The following ADCY1 variants were observed in gnomAD, a reference collection of about 807,000 sequenced individuals.
ADCY1 encodes the protein adenylate cyclase type 1.
In ADCY1, 28 loss-of-function variants were observed where a neutral mutation model predicts 105.4. The ratio of observed to expected loss-of-function variants is 0.27; its 90% confidence interval spans 0.20 to 0.36. The LOEUF is 0.36. Ranked by LOEUF, ADCY1 falls within the 10% of genes least tolerant of loss-of-function variation. The probability of loss-of-function intolerance (pLI) is 1.00; values close to 1 mark genes in which losing one functional copy is unlikely to be tolerated. For missense variants in ADCY1, 977 were observed against 1,434.2 expected (o/e 0.68, Z 5.15); for synonymous variants, 655 against 623.8 (o/e 1.05, Z -0.75).
At chr7:45,707,910 CA>C (rs1785151422) in intron 17 of ADCY1, among the ~76,000 whole-genome samples, 1 of 152,198 alleles carries the variant, frequency 6.6e-6, no homozygotes, top group South Asian at 2.1e-4. Flanking sequence ...AGAGACTTTA[CA>C]ACTGTTACTG....
chr7:45,658,250 A>G (rs1794991967), intron 6 of ADCY1, among the ~76,000 whole-genome samples: 1 of 152,138 alleles, frequency 6.6e-6, no homozygotes, highest in Non-Finnish European at 1.5e-5. Flanking sequence ...CATTTTCTCA[A>G]TGTGCAAATG....
intron 14 of ADCY1, among the ~76,000 whole-genome samples, chr7:45,690,606 C>T (rs371852186): frequency 3.3e-5 from 5 of 152,318 alleles, no homozygotes; most frequent in South Asian, 2.1e-4. Context: ...GGTACAGAAC[C>T]GGTGGGGAAT....
chr7:45,609,891 G>A (rs901807209), intron 2 of ADCY1, among the ~76,000 whole-genome samples: 4 of 152,186 alleles, frequency 2.6e-5, no homozygotes, highest in Non-Finnish European at 5.9e-5. Context: ...ACAGCTAAGG[G>A]AGAAGTAAGA....
intron 3 of ADCY1, among the ~76,000 whole-genome samples, chr7:45,620,649 A>G (rs1793866203): frequency 6.6e-6 from 1 of 152,246 alleles, no homozygotes; most frequent in African/African-American, 2.4e-5. Flanking sequence ...TCAAACTGTC[A>G]AAAACTAAAG....
chr7:45,664,826 A>C (rs1048182033), intron 8 of ADCY1, among the ~76,000 whole-genome samples: 1 of 152,116 alleles, frequency 6.6e-6, no homozygotes, highest in African/African-American at 2.4e-5. Flanking sequence ...GGTTTGTTAC[A>C]TAGGTATACA....
chr7:45,574,569 G>A lies in ADCY1; in HGVS notation c.26G>A (p.Gly9Asp). 3.1e-6 allele frequency: 3 copies of A among 981,254 alleles called. No homozygotes were observed. Among genetic ancestry groups the A allele is most frequent in the Non-Finnish European group, 3.6e-6 (3 of 829,068 alleles). The allele number at this position is 981,254 out of a possible 1,614,324, so 60.8% of individuals were successfully genotyped here. MAGAPRGG[G>D]GGGGGAGEPG... is the part of the protein sequence containing the mutation. Reference sequence around the variant, plus strand: ...ATGGCGGGGGCGCCGCGCGGCGGAGGCGGCGGCGGAGGCGGCGCGGGCGAG... The same window carrying A: ...ATGGCGGGGGCGCCGCGCGGCGGAGACGGCGGCGGAGGCGGCGCGGGCGAG... Residue 9 changes from glycine to aspartate, a missense_variant, in exon 1 of 20, where the codon GGC becomes GAC. Gly to Asp is a moderately conservative substitution (Grantham distance 94). Coordinates refer to ENST00000297323, the MANE Select transcript of ADCY1 (RefSeq NM_021116.4). This position sits in a 1 kb window ranked among gnomAD's most constrained non-coding sequence, Gnocchi z 7.0.
intron 2 of ADCY1, among the ~76,000 whole-genome samples, chr7:45,600,680 C>T (rs76475033): frequency 0.017 from 2,531 of 152,316 alleles, 22 homozygotes; most frequent in South Asian, 0.031. Context: ...TGTATTTCCT[C>T]ACAGTTCTGG....
rs3830573 is a variant in ADCY1, at chr7:45,708,968, GT to G, written c.2932+515del. ...AGCTTTTATAAAACTATGATTTGTT[GT>G]TTTTTTTTTTAATCATAAATTCACT... On this transcript the variant is annotated intron_variant, in intron 18 of 19. Coordinates refer to ENST00000297323, the MANE Select transcript of ADCY1 (RefSeq NM_021116.4). This position sits in a 1 kb window ranked among gnomAD's most constrained non-coding sequence, Gnocchi z 4.7. 0.15 allele frequency among the ~76,000 whole-genome samples: 22,465 copies of G among 147,636 alleles called. 1,766 individuals carry two copies. Among genetic ancestry groups the G allele is most frequent in the African/African-American group, 0.19 (7,780 of 40,418 alleles).
chr7:45,681,164 G>A (rs1004396187), intron 11 of ADCY1, among the ~76,000 whole-genome samples: 3 of 152,330 alleles, frequency 2.0e-5, no homozygotes, highest in Non-Finnish European at 4.4e-5. Flanking sequence ...AAAACTCTCG[G>A]TTCTAAAAAA....
intron 11 of ADCY1, among the ~76,000 whole-genome samples, chr7:45,681,033 C>T (rs1258524146): frequency 2.6e-5 from 4 of 152,250 alleles, no homozygotes; most frequent in Admixed American, 6.5e-5. Context: ...GGTGGTGAGA[C>T]GGGTCAGCCC....
intron 3 of ADCY1, among the ~76,000 whole-genome samples, chr7:45,616,427 T>C (rs765973872): frequency 6.6e-6 from 1 of 152,202 alleles, no homozygotes; most frequent in Non-Finnish European, 1.5e-5. Context: ...AGCAAGATAC[T>C]ATCAAATGCA....
At chr7:45,671,625 T>C (rs1444785316) in intron 8 of ADCY1, among the ~76,000 whole-genome samples, 1 of 152,218 alleles carries the variant, frequency 6.6e-6, no homozygotes, top group Non-Finnish European at 1.5e-5. Flanking sequence ...CTAATAAGTA[T>C]GTAGTGATAC....
At chr7:45,704,761 G>A (rs767203467) in intron 17 of ADCY1, 145 bp downstream of exon 17, 8 of 654,052 alleles carry the variant, frequency 1.2e-5, no homozygotes, top group South Asian at 3.8e-5. Context: ...GTTTTTGTCC[G>A]TGGCTGGCTC....
chr7:45,683,662 A>C (rs1209792898), intron 11 of ADCY1, among the ~76,000 whole-genome samples: 1 of 152,010 alleles, frequency 6.6e-6, no homozygotes, highest in Non-Finnish European at 1.5e-5. Flanking sequence ...TAGCACTTTC[A>C]TTTGATGATG....
rs1785502506 is a variant in ADCY1 at position 45,722,829 on chromosome 7, T to TAAC, written c.*8835_*8837dup. The TAAC allele has an allele frequency of 6.6e-6, 1 of 152,598 alleles. No individual in the cohort carries two copies. The highest frequency in any genetic ancestry group is 1.9e-4 in the East Asian group (1 of 5,194). The allele number at this position is 152,598 out of a possible 1,614,324, so 9.5% of individuals were successfully genotyped here. A position where few individuals can be genotyped will look rare whatever the true frequency, so the allele number is the denominator to read the frequency against. On this transcript the variant is annotated 3_prime_UTR_variant, in exon 20 of 20. Coordinates refer to ENST00000297323, the MANE Select transcript of ADCY1 (RefSeq NM_021116.4). The stretch of plus-strand genomic sequence containing the variant: ...ACGATGAGTACATTCAGAATTACAA[T>TAAC]AACTCACTCTCACTGGGTAACTTCT...
chr7:45,617,447 ATG>A (rs978000577), intron 3 of ADCY1, among the ~76,000 whole-genome samples: 1 of 152,070 alleles, frequency 6.6e-6, no homozygotes, highest in Non-Finnish European at 1.5e-5. Flanking sequence ...TGAGAGAGGG[ATG>A]TGTTTACCCC....
At chr7:45,616,205 A>G (rs1287049129) in intron 3 of ADCY1, among the ~76,000 whole-genome samples, 1 of 152,250 alleles carries the variant, frequency 6.6e-6, no homozygotes, top group East Asian at 1.9e-4. Context: ...CCCAACAACG[A>G]AAAGTCCAGG....
chr7:45,606,902 C>T (rs1793389055), intron 2 of ADCY1, among the ~76,000 whole-genome samples: 1 of 151,862 alleles, frequency 6.6e-6, no homozygotes, highest in African/African-American at 2.4e-5. Context: ...GACATATGAT[C>T]TGTTCTTGAC....
chr7:45,584,641 G>GTTTAA (rs1792664835), intron 1 of ADCY1, among the ~76,000 whole-genome samples: 1 of 152,224 alleles, frequency 6.6e-6, no homozygotes, highest in East Asian at 1.9e-4. Flanking sequence ...CGATAAACCT[G>GTTTAA]TTTAATACTG....
Sources: allele counts gnomAD v4.1 joint callset (sites outside exome capture counted in the v4.1 genomes callset), GRCh38; gene constraint gnomAD v4.1.1; non-coding constraint Gnocchi (gnomAD v3.1); transcripts MANE v1.5; gene names NCBI Gene and HGNC (gene_info 2026-07-23, HGNC 2026-07-21).